KCNH5: variants seen among roughly 807,000 people sequenced by gnomAD.
The protein encoded by KCNH5 is potassium voltage-gated channel subfamily H member 5, also known as voltage-gated delayed rectifier potassium channel KCNH5.
In KCNH5, 46 loss-of-function variants were observed where a neutral mutation model predicts 96.1. The observed-to-expected ratio is 0.48, with a 90% CI of 0.38 to 0.61. The LOEUF is 0.61. Ranked by LOEUF, KCNH5 falls within the 20% of genes least tolerant of loss-of-function variation. The pLI is 0.00. For missense variants in KCNH5, 907 were observed against 1,225.8 expected (o/e 0.74, Z 3.88); for synonymous variants, 439 against 449.8 (o/e 0.98, Z 0.30).
chr14:62,793,085 T>C (rs149351721), intron 9 of KCNH5, among the ~76,000 whole-genome samples: 33 of 151,900 alleles, frequency 2.2e-4, no homozygotes, highest in South Asian at 8.3e-4. Context: ...ATATGAAGTG[T>C]CTATAATAGT....
At chr14:62,731,052 G>A (rs113854030) in intron 10 of KCNH5, among the ~76,000 whole-genome samples, 1 of 152,222 alleles carries the variant, frequency 6.6e-6, no homozygotes, top group African/African-American at 2.4e-5. Flanking sequence ...TGTAATCCCT[G>A]CACTTTGGGA....
At chr14:62,873,258 AT>A (rs1888296253) in intron 7 of KCNH5, among the ~76,000 whole-genome samples, 1 of 152,216 alleles carries the variant, frequency 6.6e-6, no homozygotes, top group Non-Finnish European at 1.5e-5. Context: ...GTAAAAATTA[AT>A]TTGTTTTAAG....
intron 4 of KCNH5, among the ~76,000 whole-genome samples, chr14:62,992,535 A>T (rs1287022870): frequency 6.6e-6 from 1 of 152,022 alleles, no homozygotes; most frequent in African/African-American, 2.4e-5. Context: ...GTGAGATGGT[A>T]TCTCATTGTA....
intron 7 of KCNH5, among the ~76,000 whole-genome samples, chr14:62,884,524 G>A (rs1888557480): frequency 6.6e-6 from 1 of 152,164 alleles, no homozygotes; most frequent in Admixed American, 6.5e-5. Context: ...AACTTGAGAG[G>A]CTGAGGCAGG....
At chr14:63,020,312 C>T (rs1594678556) in intron 1 of KCNH5, among the ~76,000 whole-genome samples, 1 of 151,990 alleles carries the variant, frequency 6.6e-6, no homozygotes, top group East Asian at 1.9e-4. Context: ...GGTATTTATG[C>T]AAGTGAAATG....
chr14:62,893,159 T>C (rs1163131265), intron 7 of KCNH5, among the ~76,000 whole-genome samples: 1 of 152,210 alleles, frequency 6.6e-6, no homozygotes, highest in Non-Finnish European at 1.5e-5. Context: ...AACATCATGA[T>C]TCATGTGAGG....
chr14:62,785,142 C>A (rs1232988084), intron 9 of KCNH5, among the ~76,000 whole-genome samples: 1 of 152,148 alleles, frequency 6.6e-6, no homozygotes, highest in Non-Finnish European at 1.5e-5. Flanking sequence ...CTTTCTATGT[C>A]ACCTATGAGG....
chr14:62,827,322 C>A (rs1458849820), intron 8 of KCNH5, among the ~76,000 whole-genome samples: 1 of 152,166 alleles, frequency 6.6e-6, no homozygotes, highest in Non-Finnish European at 1.5e-5. Context: ...ATTGGCATCA[C>A]CTTGCCTTGG....
At position 62,707,586 on chromosome 14, in the gene KCNH5, G is replaced by A. The variant is rs148200469; in HGVS notation, c.2889C>T (p.Pro963=). 7.2e-6 allele frequency: 11 copies of A among 1,531,356 alleles called. No homozygotes were observed. Among genetic ancestry groups the A allele is most frequent in the Middle Eastern group, 1.8e-4 (1 of 5,676 alleles). 94.9% of individuals were successfully genotyped at this position (1,531,356 alleles called of 1,614,324 possible). ...TAAAAATATCCTGACATGGTATCTG[G>A]GGGGGTACTTGGAGTGGCATTTGGG... is the stretch of plus-strand genomic sequence containing the variant. ...PKSQMPLQVP[P]QIPCQDIFSV... The change falls in exon 11 of 11, where the codon CCC becomes CCT. Residue 963 remains proline, a synonymous_variant. Coordinates refer to ENST00000322893, the MANE Select transcript of KCNH5 (RefSeq NM_139318.5).
intron 4 of KCNH5, among the ~76,000 whole-genome samples, chr14:62,995,774 G>A (rs1890895227): frequency 6.6e-6 from 1 of 151,954 alleles, no homozygotes; most frequent in Admixed American, 6.6e-5. Context: ...GAGACAACGG[G>A]AGCAATCAAA....
At chr14:62,758,159 A>C (rs1885666690) in intron 10 of KCNH5, among the ~76,000 whole-genome samples, 1 of 151,798 alleles carries the variant, frequency 6.6e-6, no homozygotes, top group Admixed American at 6.6e-5. Flanking sequence ...AAAAAAAAAA[A>C]AGTTACAAAT....
rs112968090 is a variant in KCNH5 at position 62,961,675 on chromosome 14, AAAATGG to A, written c.943-11122_943-11117del. On this transcript the variant is annotated intron_variant, in intron 6 of 10. Transcript: ENST00000322893. ...GGACTAACAGGACATGATGGACATG[AAAATGG>A]AAATGGAGATGGAGATATGGAGATG... Among the ~76,000 whole-genome samples the A allele has an allele frequency of 1.0e-2, 1,522 of 152,302 alleles. 22 individuals carry two copies. The highest frequency in any genetic ancestry group is 0.035 in the African/African-American group (1,458 of 41,576).
intron 4 of KCNH5, among the ~76,000 whole-genome samples, chr14:62,995,203 T>G (rs1890884359): frequency 6.6e-6 from 1 of 152,044 alleles, no homozygotes; most frequent in African/African-American, 2.4e-5. Context: ...TTAATTCCAG[T>G]CAATTTTGGC....
At chr14:62,974,380 AC>A (rs1368375487) in intron 6 of KCNH5, among the ~76,000 whole-genome samples, 2 of 152,050 alleles carry the variant, frequency 1.3e-5, no homozygotes, top group Non-Finnish European at 2.9e-5. Flanking sequence ...AGCTCCCTGA[AC>A]CTCCCAAAGC....
intron 10 of KCNH5, among the ~76,000 whole-genome samples, chr14:62,733,961 C>T (rs139730571): frequency 6.6e-6 from 1 of 152,234 alleles, no homozygotes; most frequent in African/African-American, 2.4e-5. Flanking sequence ...GTGCAGATCT[C>T]ACTATCCAAA....
intron 6 of KCNH5, among the ~76,000 whole-genome samples, chr14:62,963,014 A>G (rs183960723): frequency 6.6e-6 from 1 of 152,260 alleles, no homozygotes; most frequent in Admixed American, 6.5e-5. Flanking sequence ...CAGAAGGTCA[A>G]TAGTAGCCTA....
At chr14:62,977,439 T>G (rs1214781724) in intron 6 of KCNH5, among the ~76,000 whole-genome samples, 1 of 152,006 alleles carries the variant, frequency 6.6e-6, no homozygotes, top group African/African-American at 2.4e-5. Flanking sequence ...ATTGTGAGAA[T>G]GAGGTGATGA....
chr14:62,788,793 AT>A (rs1432396617), intron 9 of KCNH5, among the ~76,000 whole-genome samples: 1 of 152,110 alleles, frequency 6.6e-6, no homozygotes, highest in Non-Finnish European at 1.5e-5. Context: ...ACAATAAAAT[AT>A]TTTTAAATTA....
chr14:62,902,719 CTTT>C (rs34264011), intron 7 of KCNH5, among the ~76,000 whole-genome samples: 1 of 144,798 alleles, frequency 6.9e-6, no homozygotes. Context: ...ATATCTATGT[CTTT>C]TTTTTTTTTT....
Sources: gnomAD v4.1 joint callset for allele counts (sites outside exome capture counted in the v4.1 genomes callset) on GRCh38, gnomAD v4.1.1 for gene constraint, MANE v1.5 for transcripts, NCBI Gene and HGNC (gene_info 2026-07-23, HGNC 2026-07-21) for gene names.